GRID2: variants seen among roughly 807,000 people sequenced by gnomAD.
GRID2 encodes the protein glutamate receptor ionotropic, delta-2.
Under a neutral mutation model 114.8 loss-of-function variants are expected in GRID2, and 33 were observed. That is an observed-to-expected ratio of 0.29 (90% CI 0.22 to 0.38). The LOEUF (loss-of-function observed/expected upper bound fraction) is 0.38. Among genes scored for constraint, GRID2 ranks in the 10% least tolerant of loss-of-function variants. The pLI, the probability that GRID2 is intolerant of heterozygous loss-of-function variation, is 1.00. For missense variants in GRID2, 1,184 were observed against 1,257.7 expected (o/e 0.94, Z 0.89); for synonymous variants, 505 against 449.9 (o/e 1.12, Z -1.55).
chr4:93,651,565 C>A (rs1468335201), intron 14 of GRID2, among the ~76,000 whole-genome samples: 1 of 152,106 alleles, frequency 6.6e-6, no homozygotes, highest in African/African-American at 2.4e-5. Flanking sequence ...CCTCAATATT[C>A]CCACTTGTAT....
chr4:92,330,755 A>G (rs1726843726), intron 1 of GRID2, among the ~76,000 whole-genome samples: 1 of 151,994 alleles, frequency 6.6e-6, no homozygotes, highest in Non-Finnish European at 1.5e-5. Flanking sequence ...ATATAATCAT[A>G]TAGCCTGTGA....
rs143859079 is a variant in GRID2 at position 93,384,493 on chromosome 4, A to G, written c.1246-11114A>G. Reference sequence around the variant, plus strand: ...TATCAGTCATTTGGGAATTAGTCATATGCTGCCTAGTGGAATTTGTTGTCA... The same window carrying G: ...TATCAGTCATTTGGGAATTAGTCATGTGCTGCCTAGTGGAATTTGTTGTCA... On this transcript the variant is annotated intron_variant, in intron 8 of 15. Coordinates refer to ENST00000282020, the MANE Select transcript of GRID2 (RefSeq NM_001510.4). 5.7e-3 allele frequency among the ~76,000 whole-genome samples: 873 copies of G among 152,274 alleles called. 6 individuals carry two copies. Among genetic ancestry groups the G allele is most frequent in the African/African-American group, 0.02 (827 of 41,564 alleles).
Position 92,787,095 on chromosome 4 carries a change from C to T in GRID2, c.244+196809C>T, listed in dbSNP as rs544151037. 1.1e-4 allele frequency among the ~76,000 whole-genome samples: 16 copies of T among 151,960 alleles called. 1 individual carries two copies. In the East Asian group the frequency reaches 1.9e-3, roughly 18 times the overall value. ...TATTATCAATACTGCATCTGAATAA[C>T]GGTTTCTCTAGAGAACATACCAAAT... On this transcript the variant is annotated intron_variant, in intron 2 of 15. Transcript: ENST00000282020.
intron 2 of GRID2, among the ~76,000 whole-genome samples, chr4:92,727,824 A>T (rs958747667): frequency 3.3e-5 from 5 of 152,106 alleles, no homozygotes; most frequent in African/African-American, 1.2e-4. Context: ...ATTTATGATT[A>T]CTAGTATCTC....
rs150009169 is a variant in GRID2 at position 93,237,988 on chromosome 4, T to C, written c.1126-383T>C. Among the ~76,000 whole-genome samples, 178 of 151,922 alleles carry C rather than the reference T, an allele frequency of 1.2e-3. 1 individual carries two copies. The highest frequency in any genetic ancestry group is 3.9e-3 in the African/African-American group (161 of 41,514). Reference sequence around the variant, plus strand: ...ACAAAGAAGATTGTTGAAATCTATCTTATATAGATTTTATGCACTCCAGAA... The same window carrying C: ...ACAAAGAAGATTGTTGAAATCTATCCTATATAGATTTTATGCACTCCAGAA... On this transcript the variant is annotated intron_variant, in intron 7 of 15. Transcript: ENST00000282020.
intron 1 of GRID2, among the ~76,000 whole-genome samples, chr4:92,573,523 A>T (rs74543926): frequency 2.5e-4 from 38 of 152,240 alleles, no homozygotes; most frequent in Middle Eastern, 3.4e-3. Context: ...CTCTGTTGTC[A>T]TTAGTTACAA....
chr4:92,905,670 A>G (rs116832092), intron 2 of GRID2, among the ~76,000 whole-genome samples: 3,842 of 152,164 alleles, frequency 0.025, 65 homozygotes, highest in Middle Eastern at 0.041. Context: ...ATTAATTTAA[A>G]TTTAAATACT....
rs57285537 is a variant in GRID2, at chr4:93,163,356, GTATATATATATATATA to G, written c.736-44019_736-44004del. 2.7e-3 allele frequency among the ~76,000 whole-genome samples: 150 copies of G among 56,250 alleles called. 1 individual carries two copies. The highest frequency in any genetic ancestry group is 5.0e-3 in the African/African-American group (65 of 12,914). 36.9% of individuals were successfully genotyped at this position (56,250 alleles called of 152,430 possible). A position where few individuals can be genotyped will look rare whatever the true frequency, so the allele number is the denominator to read the frequency against. ...TTTCCACTTCTGATTTTTTTTTTGTGTATATATATATATATATATATATATATATATATATATATAT... is the reference window on the plus strand; with the variant it reads ...TTTCCACTTCTGATTTTTTTTTTGTGTATATATATATATATATATATATAT... On this transcript the variant is annotated intron_variant, in intron 4 of 15. Coordinates refer to ENST00000282020, the MANE Select transcript of GRID2 (RefSeq NM_001510.4).
intron 8 of GRID2, among the ~76,000 whole-genome samples, chr4:93,263,371 C>T (rs1235429303): frequency 6.6e-6 from 1 of 151,978 alleles, no homozygotes; most frequent in Admixed American, 6.6e-5. Flanking sequence ...CATCTGCTTC[C>T]TCCATCCCCC....
intron 2 of GRID2, among the ~76,000 whole-genome samples, chr4:92,851,496 C>T (rs958840895): frequency 6.6e-6 from 1 of 151,884 alleles, no homozygotes; most frequent in African/African-American, 2.4e-5. Context: ...TTTAATAAAA[C>T]ATATAATAGC....
rs77482627 is a variant in GRID2 at position 93,161,097 on chromosome 4, C to T, written c.736-46307C>T. ...TAGCATATCATACAGTCATCATTTT[C>T]TCAGTCTTTGACAAAAGTTATTCCT... On this transcript the variant is annotated intron_variant, in intron 4 of 15. Coordinates refer to ENST00000282020, the MANE Select transcript of GRID2 (RefSeq NM_001510.4). 4.3e-3 allele frequency among the ~76,000 whole-genome samples: 647 copies of T among 151,884 alleles called. 8 individuals carry two copies. Among genetic ancestry groups the T allele is most frequent in the African/African-American group, 0.015 (624 of 41,464 alleles).
At chr4:92,319,085 A>T (rs1170424936) in intron 1 of GRID2, among the ~76,000 whole-genome samples, 2 of 152,202 alleles carry the variant, frequency 1.3e-5, no homozygotes, top group Non-Finnish European at 2.9e-5. Flanking sequence ...TAGTGATATT[A>T]CACTACAATT....
At chr4:93,209,565 CATGT>C (rs1435110754) in intron 5 of GRID2, among the ~76,000 whole-genome samples, 7 of 152,050 alleles carry the variant, frequency 4.6e-5, no homozygotes, top group African/African-American at 1.7e-4. Flanking sequence ...CATAGGCATG[CATGT>C]GTCTTTATGA....
intron 1 of GRID2, among the ~76,000 whole-genome samples, chr4:92,461,926 C>A (rs1267492570): frequency 6.6e-6 from 1 of 151,868 alleles, no homozygotes; most frequent in Non-Finnish European, 1.5e-5. Context: ...ATCATACCAC[C>A]AATTATTCCT....
chr4:92,477,556 C>T (rs1722378313), intron 1 of GRID2, among the ~76,000 whole-genome samples: 1 of 151,752 alleles, frequency 6.6e-6, no homozygotes, highest in South Asian at 2.1e-4. Context: ...CACCATTTAT[C>T]ACTCTAACCC....
intron 8 of GRID2, among the ~76,000 whole-genome samples, chr4:93,241,993 G>A (rs1747577769): frequency 6.6e-6 from 1 of 151,796 alleles, no homozygotes; most frequent in African/African-American, 2.4e-5. Context: ...GGGGAAAAGA[G>A]AGGATTGGAT....
At chr4:93,401,253 T>C (rs1053806237) in intron 9 of GRID2, among the ~76,000 whole-genome samples, 4 of 152,078 alleles carry the variant, frequency 2.6e-5, no homozygotes, top group African/African-American at 9.7e-5. Flanking sequence ...TAATTCAATA[T>C]ATAAATTGAA....
intron 2 of GRID2, among the ~76,000 whole-genome samples, chr4:92,827,352 C>G (rs1674612296): frequency 6.7e-6 from 1 of 149,044 alleles, no homozygotes. Context: ...TAAACAAAAA[C>G]TCTTTGGAAA....
At chr4:92,381,439 C>G (rs1247268532) in intron 1 of GRID2, among the ~76,000 whole-genome samples, 1 of 151,934 alleles carries the variant, frequency 6.6e-6, no homozygotes, top group Admixed American at 6.6e-5. Context: ...TCTTCCTGAT[C>G]CCTTGAAGAG....
Sources: allele counts gnomAD v4.1 joint callset (sites outside exome capture counted in the v4.1 genomes callset), GRCh38; gene constraint gnomAD v4.1.1; transcripts MANE v1.5; gene names NCBI Gene and HGNC (gene_info 2026-07-23, HGNC 2026-07-21).